Variants in PDCD1LG2 observed in about 807,000 individuals in gnomAD.
PDCD1LG2 encodes programmed cell death 1 ligand 2.
Under a neutral mutation model 28.2 loss-of-function variants are expected in PDCD1LG2, and 32 were observed. That is an observed-to-expected ratio of 1.13 (90% CI 0.86 to 1.52). PDCD1LG2 has a LOEUF of 1.52. Ranked by LOEUF, PDCD1LG2 falls within the 40% of genes most tolerant of loss-of-function variation. The probability of loss-of-function intolerance (pLI) is 0.00; values close to 1 mark genes in which losing one functional copy is unlikely to be tolerated. For missense variants in PDCD1LG2, 385 were observed against 323.8 expected, an observed-to-expected ratio of 1.19 and a Z score of -1.45; for synonymous variants, 116 against 120.2, an observed-to-expected ratio of 0.97 and a Z score of 0.23.
intron 2 of PDCD1LG2, among the ~76,000 whole-genome samples, chr9:5,529,871 G>A (rs1433963249): frequency 1.3e-5 from 2 of 152,166 alleles, no homozygotes; most frequent in Admixed American, 1.3e-4. Context: ...ATGTCTCCAT[G>A]CAGTCCTCCT....
At chr9:5,522,456 G>C in intron 1 of PDCD1LG2, 77 bp from the exon 2 acceptor site, 2 of 1,141,662 alleles carry the variant, frequency 1.8e-6, no homozygotes, top group South Asian at 1.4e-5. Flanking sequence ...TTATTCCCCT[G>C]TTTTCAAAAG....
At chr9:5,555,167 C>T (rs2078415208) in intron 4 of PDCD1LG2, among the ~76,000 whole-genome samples, 2 of 152,148 alleles carry the variant, frequency 1.3e-5, no homozygotes, top group South Asian at 4.1e-4. Flanking sequence ...GTAATCCTAG[C>T]ACTTTGGGAG....
At chr9:5,525,862 C>T (rs997396875) in intron 2 of PDCD1LG2, among the ~76,000 whole-genome samples, 1 of 152,032 alleles carries the variant, frequency 6.6e-6, no homozygotes, top group African/African-American at 2.4e-5. Flanking sequence ...GCCTGGCCCG[C>T]ATGGTGAAAC....
In PDCD1LG2 at chr9:5,535,055, G is replaced by A. The variant is rs755981798; in HGVS notation, c.361+5G>A. The A allele has an allele frequency of 6.3e-7, 1 of 1,597,252 alleles. No homozygotes were observed. Among genetic ancestry groups the A allele is most frequent in the Non-Finnish European group, 8.5e-7 (1 of 1,171,046 alleles). On this transcript the variant is annotated splice_donor_5th_base_variant and intron_variant, in intron 3 of 6. Transcript: ENST00000397747. ...ACCTGACTCTGAAAGTCAAAGGTGA[G>A]TGGTGTCAAGGACTAGAATCCATGG...
Position 5,563,166 on chromosome 9 carries a change from A to G in PDCD1LG2, c.771A>G (p.Thr257=), listed in dbSNP as rs769147424. ...TCTGGAATTTTTCCTTTTCAGACAC[A>G]ACAAAAAGACCTGTCACCACAACAA... ...LCQKLYSSKD[T]TKRPVTTTKR... is the part of the protein sequence containing the mutation. Residue 257 remains threonine, a synonymous_variant, in exon 6 of 7, where the codon ACA becomes ACG. Transcript: ENST00000397747. 18 of 1,611,200 alleles carry G rather than the reference A, an allele frequency of 1.1e-5. No individual in the cohort carries two copies. The South Asian group carries it at 1.9e-4, about 17-fold the overall frequency.
chr9:5,566,808 G>A (rs903369184), intron 6 of PDCD1LG2, among the ~76,000 whole-genome samples: 4 of 151,922 alleles, frequency 2.6e-5, no homozygotes, highest in Admixed American at 6.6e-5. Flanking sequence ...ATAATGTGGG[G>A]AAATACTTTC....
At chr9:5,515,795 C>A (rs776163163) in intron 1 of PDCD1LG2, among the ~76,000 whole-genome samples, 5 of 151,442 alleles carry the variant, frequency 3.3e-5, no homozygotes, top group Admixed American at 3.3e-4. Flanking sequence ...CAGTTGTGCA[C>A]GCCTGTTGTC....
intron 1 of PDCD1LG2, among the ~76,000 whole-genome samples, chr9:5,520,735 A>C (rs973748244): frequency 3.4e-4 from 51 of 152,230 alleles, no homozygotes; most frequent in African/African-American, 1.2e-3. Flanking sequence ...GGATTCTATA[A>C]AGAAACTGAA....
chr9:5,554,042 A>G lies in PDCD1LG2; in HGVS notation c.632-3576A>G, dbSNP rs534471052. 8.5e-5 allele frequency among the ~76,000 whole-genome samples: 13 copies of G among 152,250 alleles called. No homozygotes were observed. In the East Asian group the frequency reaches 2.5e-3, roughly 29 times the overall value. On this transcript the variant is annotated intron_variant, in intron 4 of 6. Transcript: ENST00000397747. ...CTCTCTGGGGCAGCTCAGTCACTCC[A>G]GGGCACAAGGGGGTCTTTCCCTCAT...
At position 5,535,015 on chromosome 9, in the gene PDCD1LG2, C is replaced by A. The variant is rs2129796064; in HGVS notation, c.326C>A (p.Ala109Asp). The change falls in exon 3 of 7, where the codon GCC becomes GAC. Residue 109 changes from alanine to aspartate, a missense_variant. Physicochemically the swap from Ala to Asp is moderately radical, Grantham distance 126. Transcript: ENST00000397747. ...CAATGCATAATCATCTATGGGGTCG[C>A]CTGGGACTACAAGTACCTGACTCTG... ...QYQCIIIYGV[A>D]WDYKYLTLKV... 6.2e-7 allele frequency: 1 copy of A among 1,612,814 alleles called. No individual in the cohort carries two copies. Among genetic ancestry groups the A allele is most frequent in the Non-Finnish European group, 8.5e-7 (1 of 1,179,198 alleles).
At chr9:5,530,139 A>C (rs1820454623) in intron 2 of PDCD1LG2, among the ~76,000 whole-genome samples, 1 of 152,218 alleles carries the variant, frequency 6.6e-6, no homozygotes, top group African/African-American at 2.4e-5. Context: ...TGAATAAGTG[A>C]CAGGTGCTGA....
intron 4 of PDCD1LG2, among the ~76,000 whole-genome samples, chr9:5,554,828 A>T (rs1816405529): frequency 6.6e-6 from 1 of 152,180 alleles, no homozygotes; most frequent in Non-Finnish European, 1.5e-5. Context: ...GACAGGCTTA[A>T]ATTTCAAACT....
chr9:5,526,632 C>T (rs1820384845), intron 2 of PDCD1LG2, among the ~76,000 whole-genome samples: 1 of 152,030 alleles, frequency 6.6e-6, no homozygotes, highest in Non-Finnish European at 1.5e-5. Context: ...GTGATGGGGT[C>T]TTGCTATGTT....
chr9:5,521,963 C>A (rs1479837129), intron 1 of PDCD1LG2, among the ~76,000 whole-genome samples: 2 of 152,158 alleles, frequency 1.3e-5, no homozygotes, highest in East Asian at 3.9e-4. Context: ...AGAGCCAGTT[C>A]CCTACTCTCC....
intron 2 of PDCD1LG2, among the ~76,000 whole-genome samples, chr9:5,532,166 C>T (rs1338144652): frequency 1.3e-5 from 2 of 152,178 alleles, no homozygotes. Flanking sequence ...CAACCTGGCA[C>T]AGCAAGTGCA....
intron 5 of PDCD1LG2, among the ~76,000 whole-genome samples, chr9:5,560,393 G>C (rs752812945): frequency 6.6e-6 from 1 of 152,142 alleles, no homozygotes; most frequent in Non-Finnish European, 1.5e-5. Context: ...TGTCTACTCC[G>C]GCCATGCAGA....
intron 6 of PDCD1LG2, among the ~76,000 whole-genome samples, chr9:5,568,604 T>C (rs1816711954): frequency 6.6e-6 from 1 of 152,210 alleles, no homozygotes; most frequent in Non-Finnish European, 1.5e-5. Flanking sequence ...TCTTGGAACA[T>C]ATTTGGAAAA....
chr9:5,535,424 G>A (rs1820561757), intron 3 of PDCD1LG2, among the ~76,000 whole-genome samples: 1 of 152,136 alleles, frequency 6.6e-6, no homozygotes, highest in Admixed American at 6.5e-5. Flanking sequence ...TGAATCCAGA[G>A]TTTTTAAAAC....
In PDCD1LG2 at chr9:5,569,961, C is replaced by G. The variant is rs2129975578; in HGVS notation, c.*2C>G. On this transcript the variant is annotated 3_prime_UTR_variant, in exon 7 of 7. Coordinates refer to ENST00000397747, the MANE Select transcript of PDCD1LG2 (RefSeq NM_025239.4). The surrounding 1 kb of genome is among the most constrained non-coding windows in gnomAD (Gnocchi z 4.1). The stretch of plus-strand genomic sequence containing the variant: ...GTGGGCTTTTCTCCCCAGATCTGAA[C>G]CTGTGGTCTTGGGAGCCAGGGTGAC... 4 of 1,613,934 alleles carry G rather than the reference C, an allele frequency of 2.5e-6. No homozygotes were observed. The South Asian group carries it at 4.4e-5, about 18-fold the overall frequency.
Sources: gnomAD v4.1 joint callset for allele counts (sites outside exome capture counted in the v4.1 genomes callset) on GRCh38, gnomAD v4.1.1 for gene constraint, Gnocchi (gnomAD v3.1) non-coding constraint, MANE v1.5 for transcripts, NCBI Gene and HGNC (gene_info 2026-07-23, HGNC 2026-07-21) for gene names.